Variants in UVRAG observed in about 807,000 individuals in gnomAD.
The protein encoded by UVRAG is UV radiation resistance associated.
In UVRAG, 19 loss-of-function variants were observed where a neutral mutation model predicts 78.0. That is an observed-to-expected ratio of 0.24 (90% CI 0.17 to 0.36). The LOEUF (loss-of-function observed/expected upper bound fraction) is 0.36, where lower values mean the gene tolerates loss of function less well. Ranked by LOEUF, UVRAG falls within the 10% of genes least tolerant of loss-of-function variation. UVRAG has a pLI of 1.00. For synonymous variants in UVRAG, 323 were observed against 324.6 expected (o/e 1.00, Z 0.05); for missense variants, 740 against 853.8 (o/e 0.87, Z 1.66).
chr11:76,001,925 A>T (rs1039360612), intron 8 of UVRAG, among the ~76,000 whole-genome samples: 1 of 152,196 alleles, frequency 6.6e-6, no homozygotes, highest in Non-Finnish European at 1.5e-5. Flanking sequence ...ATTTTTCAGC[A>T]TGTTTAGTAA....
intron 5 of UVRAG, among the ~76,000 whole-genome samples, chr11:75,908,548 A>G (rs1310616147): frequency 6.6e-6 from 1 of 152,102 alleles, no homozygotes; most frequent in African/African-American, 2.4e-5. Flanking sequence ...ATATTGGTCT[A>G]TAGTTTTCTT....
rs1952168601 is a variant in UVRAG, at chr11:76,115,907, T to C, written c.1306-17T>C. On this transcript the variant is annotated splice_polypyrimidine_tract_variant and intron_variant, in intron 13 of 14. Coordinates refer to ENST00000356136, the MANE Select transcript of UVRAG (RefSeq NM_003369.4). ...ATCTGCCAAAATATCTTTAATTCTA[T>C]TTTTTCACCTTCACAGCTAAGATAT... is the stretch of plus-strand genomic sequence containing the variant. The C allele has an allele frequency of 5.0e-6, 8 of 1,612,100 alleles. No homozygotes were observed. The highest frequency in any genetic ancestry group is 6.8e-6 in the Non-Finnish European group (8 of 1,178,714).
At chr11:75,880,499 T>G (rs1565360726) in intron 4 of UVRAG, among the ~76,000 whole-genome samples, 1 of 152,204 alleles carries the variant, frequency 6.6e-6, no homozygotes, top group Non-Finnish European at 1.5e-5. Context: ...GATTATTTGC[T>G]GCCACTGGTT....
chr11:76,055,666 T>C (rs1341363469), intron 12 of UVRAG, among the ~76,000 whole-genome samples: 2 of 152,212 alleles, frequency 1.3e-5, no homozygotes, highest in African/African-American at 4.8e-5. Context: ...TATTTGTTTA[T>C]GGTTCTTTTT....
intron 1 of UVRAG, among the ~76,000 whole-genome samples, chr11:75,830,564 C>T (rs562671179): frequency 6.6e-6 from 1 of 152,300 alleles, no homozygotes; most frequent in East Asian, 1.9e-4. Context: ...AGCCACTGCG[C>T]CCGGCCGTAA....
At chr11:76,123,584 T>C (rs1309370455) in intron 14 of UVRAG, among the ~76,000 whole-genome samples, 1 of 152,186 alleles carries the variant, frequency 6.6e-6, no homozygotes, top group African/African-American at 2.4e-5. Flanking sequence ...GTTTTTTTCA[T>C]AGGATTTTTT....
intron 12 of UVRAG, among the ~76,000 whole-genome samples, chr11:76,024,387 TTCCTTGGC>T (rs1213136735): frequency 6.6e-6 from 1 of 152,172 alleles, no homozygotes; most frequent in African/African-American, 2.4e-5. Context: ...TATCCCTTTT[TTCCTTGGC>T]AGCCAGAGGA....
At chr11:75,841,944 GTC>G (rs1945921522) in intron 1 of UVRAG, among the ~76,000 whole-genome samples, 2 of 152,118 alleles carry the variant, frequency 1.3e-5, no homozygotes. Context: ...GGAACAACTT[GTC>G]TCTGCTTATT....
chr11:76,032,131 G>T (rs1950448516), intron 12 of UVRAG, among the ~76,000 whole-genome samples: 1 of 152,118 alleles, frequency 6.6e-6, no homozygotes, highest in Non-Finnish European at 1.5e-5. Flanking sequence ...GAAGGAAAGA[G>T]TAAAAATTAT....
In UVRAG at chr11:76,141,737, A is replaced by T. The variant is rs1414008287; in HGVS notation, c.*324A>T. The T allele has an allele frequency of 6.8e-6, 2 of 296,134 alleles. No individual in the cohort carries two copies. The highest frequency in any genetic ancestry group is 1.3e-5 in the Non-Finnish European group (2 of 157,590). The allele number at this position is 296,134 out of a possible 1,614,324, so 18.3% of individuals were successfully genotyped here. The stretch of plus-strand genomic sequence containing the variant: ...ACCCTTGTATGTTATCCTCAGAGGG[A>T]AGATGATAATATATAAATAATATAA... On this transcript the variant is annotated 3_prime_UTR_variant, in exon 15 of 15. Transcript: ENST00000356136.
At chr11:76,063,930 A>T (rs901358117) in intron 12 of UVRAG, among the ~76,000 whole-genome samples, 1 of 152,242 alleles carries the variant, frequency 6.6e-6, no homozygotes, top group African/African-American at 2.4e-5. Context: ...TGAATGCATG[A>T]TAGTTATAAG....
chr11:75,887,271 G>T (rs1212147019), intron 4 of UVRAG, among the ~76,000 whole-genome samples: 1 of 151,674 alleles, frequency 6.6e-6, no homozygotes, highest in African/African-American at 2.4e-5. Context: ...TCAGCCTCCC[G>T]AGTAGCTGGG....
chr11:76,083,246 A>G (rs1951531393), intron 13 of UVRAG, among the ~76,000 whole-genome samples: 1 of 152,210 alleles, frequency 6.6e-6, no homozygotes, highest in Non-Finnish European at 1.5e-5. Flanking sequence ...CAGGTATAGA[A>G]TATTTTGGTG....
chr11:76,091,048 T>G (rs1418404344), intron 13 of UVRAG, among the ~76,000 whole-genome samples: 1 of 152,194 alleles, frequency 6.6e-6, no homozygotes, highest in East Asian at 1.9e-4. Flanking sequence ...AGCATATCCT[T>G]CTATAGCTTC....
At chr11:75,847,176 G>A (rs1565343328) in intron 1 of UVRAG, among the ~76,000 whole-genome samples, 1 of 150,910 alleles carries the variant, frequency 6.6e-6, no homozygotes, top group Admixed American at 6.6e-5. Flanking sequence ...TACCCAGGCT[G>A]GAGTGCAGTG....
At chr11:75,836,097 T>TAAAAAA (rs1178391423) in intron 1 of UVRAG, among the ~76,000 whole-genome samples, 1 of 143,234 alleles carries the variant, frequency 7.0e-6, no homozygotes, top group Non-Finnish European at 1.5e-5. Context: ...GACTCTGTCT[T>TAAAAAA]AAAAAAAAAA....
intron 11 of UVRAG, among the ~76,000 whole-genome samples, chr11:76,015,933 C>G (rs955925354): frequency 2.6e-5 from 4 of 152,198 alleles, no homozygotes; most frequent in African/African-American, 9.6e-5. Flanking sequence ...CACACGTGCA[C>G]TTGTGCACTT....
intron 14 of UVRAG, among the ~76,000 whole-genome samples, chr11:76,119,940 C>A (rs2134475111): frequency 6.6e-6 from 1 of 152,354 alleles, no homozygotes; most frequent in South Asian, 2.1e-4. Flanking sequence ...TCTGATACCA[C>A]TCCCTTTCCA....
At chr11:75,888,791 A>C in intron 4 of UVRAG, 38 bp from the exon 5 acceptor site, 1 of 1,553,536 alleles carries the variant, frequency 6.4e-7, no homozygotes. Context: ...CATGATCGGA[A>C]TAAAAATAAC....
Sources: allele counts gnomAD v4.1 joint callset (sites outside exome capture counted in the v4.1 genomes callset), GRCh38; gene constraint gnomAD v4.1.1; transcripts MANE v1.5; gene names NCBI Gene and HGNC (gene_info 2026-07-23, HGNC 2026-07-21).